HSF2: variants seen among roughly 807,000 people sequenced by gnomAD.
The protein encoded by HSF2 is heat shock transcription factor 2.
In HSF2, 21 loss-of-function variants were observed where a neutral mutation model predicts 65.0. The ratio of observed to expected loss-of-function variants is 0.32; its 90% CI spans 0.23 to 0.47. The LOEUF (loss-of-function observed/expected upper bound fraction) is 0.47, where lower values mean the gene tolerates loss of function less well. Ranked by LOEUF, HSF2 falls within the 20% of genes least tolerant of loss-of-function variation. The probability of loss-of-function intolerance (pLI) is 1.00; values close to 1 mark genes in which losing one functional copy is unlikely to be tolerated. For synonymous variants in HSF2, 225 were observed against 219.1 expected, an observed-to-expected ratio of 1.03 and a Z score of -0.24; for missense variants, 499 against 628.1, an observed-to-expected ratio of 0.79 and a Z score of 2.20.
At chr6:122,425,696 C>T (rs950598750) in intron 10 of HSF2, among the ~76,000 whole-genome samples, 2 of 151,954 alleles carry the variant, frequency 1.3e-5, no homozygotes, top group African/African-American at 4.8e-5. Context: ...CTACTATCTT[C>T]TACTTAAGGG....
chr6:122,432,034 C>T lies in HSF2; in HGVS notation c.1425C>T (p.Ser475=). 1 of 1,614,026 alleles carries T rather than the reference C, an allele frequency of 6.2e-7. No homozygotes were observed. The change falls in exon 13 of 13, where the codon TCC becomes TCT. Residue 475 remains serine (S), a synonymous_variant. Coordinates refer to ENST00000368455, the MANE Select transcript of HSF2 (RefSeq NM_004506.4). ...CAACAGCATCATCAGAAGTTTTGTC[C>T]TCTGTAGATAAACCCATAGAAGTTG... ...ASTTASSEVL[S]SVDKPIEVDE...
chr6:122,426,348 TTA>T (rs1774338927), intron 10 of HSF2, among the ~76,000 whole-genome samples: 1 of 152,070 alleles, frequency 6.6e-6, no homozygotes, highest in Non-Finnish European at 1.5e-5. Context: ...CTGTGTCAGC[TTA>T]TATATGATCT....
chr6:122,423,544 A>G, intron 9 of HSF2, 37 bp from the exon 10 acceptor site: 1 of 1,084,958 alleles, frequency 9.2e-7, no homozygotes, highest in East Asian at 2.5e-5. Flanking sequence ...AAACAAGGAT[A>G]TCTAATATTT....
chr6:122,399,996 C>T (rs551567483), intron 1 of HSF2, among the ~76,000 whole-genome samples, 166 bp downstream of exon 1: 2 of 152,166 alleles, frequency 1.3e-5, no homozygotes, highest in African/African-American at 2.4e-5. Context: ...ATTGTTCGCT[C>T]GGGGAGCCGC....
At chr6:122,420,408 C>G (rs1233877043) in intron 7 of HSF2, 186 bp downstream of exon 7, 2 of 180,418 alleles carry the variant, frequency 1.1e-5, no homozygotes, top group Non-Finnish European at 2.1e-5. Flanking sequence ...CATCACAAAT[C>G]TAGTTGTTCC....
intron 11 of HSF2, among the ~76,000 whole-genome samples, chr6:122,430,772 G>A (rs1774444890): frequency 6.6e-6 from 1 of 152,076 alleles, no homozygotes; most frequent in Admixed American, 6.6e-5. Context: ...CATGAAAGGA[G>A]CACTGAAGAA....
At position 122,402,786 on chromosome 6, in the gene HSF2, A is replaced by G. The variant is rs943798331; in HGVS notation, c.93+2956A>G. Reference sequence around the variant, plus strand: ...CAGGCAGTCTCAAACTCCTGACCTCAAGTGATCCACCCGTCTCGGCCTCCC... The same window carrying G: ...CAGGCAGTCTCAAACTCCTGACCTCGAGTGATCCACCCGTCTCGGCCTCCC... On this transcript the variant is annotated intron_variant, in intron 1 of 12. Transcript: ENST00000368455. Among the ~76,000 whole-genome samples, 4 of 152,170 alleles carry G rather than the reference A, an allele frequency of 2.6e-5. No individual in the cohort carries two copies. The East Asian group carries it at 7.7e-4, about 29-fold the overall frequency.
In HSF2 at chr6:122,431,512, C is replaced by G. The variant is rs778031427; in HGVS notation, c.1313C>G (p.Pro438Arg). Residue 438 changes from proline to arginine, a missense_variant and splice_region_variant, in exon 12 of 13, where the codon CCA becomes CGA. Transcript: ENST00000368455. ...SEEGRKSKSK[P>R]DKQLIQYTAF... ...GAGGGAAGAAAATCTAAATCCAAAC[C>G]AGGTAGGTATAAATATAGTATTCAG... 1.3e-6 allele frequency: 2 copies of G among 1,545,110 alleles called. No individual in the cohort carries two copies. Among genetic ancestry groups the G allele is most frequent in the Non-Finnish European group, 1.8e-6 (2 of 1,123,132 alleles).
At chr6:122,428,101 A>G in intron 11 of HSF2, 145 bp downstream of exon 11, 1 of 487,422 alleles carries the variant, frequency 2.1e-6, no homozygotes, top group East Asian at 3.4e-5. Flanking sequence ...ATAAAATTCT[A>G]GTTGAAAAAT....
intron 4 of HSF2, among the ~76,000 whole-genome samples, chr6:122,414,790 T>C (rs1283181556): frequency 2.0e-5 from 3 of 152,188 alleles, no homozygotes; most frequent in African/African-American, 7.2e-5. Context: ...CTAATTTTTG[T>C]ATTTTTAGTA....
chr6:122,400,014 C>A (rs891002021), intron 1 of HSF2, among the ~76,000 whole-genome samples, 184 bp downstream of exon 1: 1 of 152,064 alleles, frequency 6.6e-6, no homozygotes, highest in Admixed American at 6.5e-5. Flanking sequence ...CGCGGGGGCC[C>A]GGCCGGCAGC....
At chr6:122,407,635 A>G (rs1773895693) in intron 1 of HSF2, among the ~76,000 whole-genome samples, 1 of 151,226 alleles carries the variant, frequency 6.6e-6, no homozygotes, top group Non-Finnish European at 1.5e-5. Flanking sequence ...TATTCTACAT[A>G]TTCGAGTTTA....
chr6:122,399,614 G>A (rs1045930472), upstream of HSF2: 1 of 743,304 alleles, frequency 1.3e-6, no homozygotes. Context: ...GGGGTTGGGG[G>A]GGCGGGGACC....
At chr6:122,406,816 T>C (rs1022510598) in intron 1 of HSF2, among the ~76,000 whole-genome samples, 2 of 152,174 alleles carry the variant, frequency 1.3e-5, no homozygotes, top group Non-Finnish European at 2.9e-5. Flanking sequence ...TTTTCTTAAA[T>C]TTGACCATGC....
chr6:122,421,918 T>C (rs1403840230), intron 7 of HSF2, among the ~76,000 whole-genome samples: 3 of 152,196 alleles, frequency 2.0e-5, no homozygotes, highest in Middle Eastern at 3.4e-3. Flanking sequence ...CAGGGTCCCT[T>C]ACAGTAAAAG....
intron 9 of HSF2, 94 bp downstream of exon 9, chr6:122,423,051 A>G: frequency 7.5e-7 from 1 of 1,328,000 alleles, no homozygotes; most frequent in African/African-American, 1.4e-5. Context: ...CTTTCAGATG[A>G]TGAACCCACA....
chr6:122,399,668 T>TAGCTGCC lies in HSF2; in HGVS notation c.-70_-69insAGCTGCC, dbSNP rs1773665481. The TAGCTGCC allele has an allele frequency of 8.1e-6, 10 of 1,238,826 alleles. No individual in the cohort carries two copies. In the Admixed American group the frequency reaches 1.6e-4, roughly 20 times the overall value. The allele number at this position is 1,238,826 out of a possible 1,614,324, so 76.7% of individuals were successfully genotyped here. On this transcript the variant is annotated 5_prime_UTR_variant, in exon 1 of 13. Coordinates refer to ENST00000368455, the MANE Select transcript of HSF2 (RefSeq NM_004506.4). ...GTTGTGGGCGTTCTCGGGGAGCTGCTGCCGTAGCTGCCGCCGCCGCTACCA... is the reference window on the plus strand; with the variant it reads ...GTTGTGGGCGTTCTCGGGGAGCTGCTAGCTGCCGCCGTAGCTGCCGCCGCCGCTACCA...
chr6:122,421,967 C>G (rs1774244522), intron 7 of HSF2, among the ~76,000 whole-genome samples, 183 bp from the exon 8 acceptor site: 1 of 151,946 alleles, frequency 6.6e-6, no homozygotes, highest in Non-Finnish European at 1.5e-5. Context: ...ATACCTCATA[C>G]CTCTGTGAAT....
At position 122,412,343 on chromosome 6, in the gene HSF2, T is replaced by C. The variant is rs771651772; in HGVS notation, c.94-30T>C. On this transcript the variant is annotated intron_variant, in intron 1 of 12. Coordinates refer to ENST00000368455, the MANE Select transcript of HSF2 (RefSeq NM_004506.4). ...ATGTGTCATAGGAACTTAACTAATT[T>C]ACTTTTTCTTTTTTTTTTTCCCCTT... The C allele has an allele frequency of 8.4e-6, 11 of 1,316,826 alleles. No homozygotes were observed. In the East Asian group the frequency reaches 2.5e-4, roughly 30 times the overall value. 81.6% of individuals were successfully genotyped at this position (1,316,826 alleles called of 1,614,324 possible).
Sources: allele counts gnomAD v4.1 joint callset (sites outside exome capture counted in the v4.1 genomes callset), GRCh38; gene constraint gnomAD v4.1.1; transcripts MANE v1.5; gene names NCBI Gene and HGNC (gene_info 2026-07-23, HGNC 2026-07-21).